DMD: variants seen among roughly 807,000 people sequenced by gnomAD.
The protein encoded by DMD is dystrophin.
In DMD, 63 loss-of-function variants were observed where a neutral mutation model predicts 330.1. The observed-to-expected ratio is 0.19, with a 90% CI of 0.16 to 0.24. DMD has a LOEUF of 0.24. DMD is among the 10% of genes least tolerant of loss of function. The probability of loss-of-function intolerance (pLI) is 1.00; values close to 1 mark genes in which losing one functional copy is unlikely to be tolerated. For missense variants in DMD, 3,344 were observed against 2,684.1 expected (o/e 1.25, Z -5.43); for synonymous variants, 1,223 against 959.8 (o/e 1.27, Z -5.07).
chrX:32,832,886 T>C (rs1189963220), intron 4 of DMD, among the ~76,000 whole-genome samples: 2 of 111,537 alleles, frequency 1.8e-5, no homozygotes, highest in Admixed American at 1.9e-4. Context: ...AGCTTTTTAT[T>C]CCCTTCCTTA....
intron 1 of DMD, among the ~76,000 whole-genome samples, chrX:33,115,669 G>A (rs2095377320): frequency 9.3e-6 from 1 of 107,657 alleles, no homozygotes; most frequent in East Asian, 3.0e-4. Context: ...CCGCAACCAC[G>A]CCCGGCTAAT....
chrX:33,086,311 A>T (rs192895111), intron 1 of DMD, among the ~76,000 whole-genome samples: 2 of 112,231 alleles, frequency 1.8e-5, no homozygotes, highest in African/African-American at 6.4e-5. Flanking sequence ...TCTCTTTCCC[A>T]TGAAAATCAG....
chrX:31,137,166 G>C (rs757524008), intron 76 of DMD, among the ~76,000 whole-genome samples: 4 of 110,843 alleles, frequency 3.6e-5, no homozygotes, highest in Non-Finnish European at 7.6e-5. Flanking sequence ...CTACAGGCGC[G>C]TGCCACCACG....
chrX:32,691,294 A>G (rs569793881), intron 9 of DMD, among the ~76,000 whole-genome samples: 6 of 107,622 alleles, frequency 5.6e-5, no homozygotes, highest in African/African-American at 2.1e-4. Context: ...TCTAAAATAT[A>G]TAAAGAATTC....
intron 63 of DMD, among the ~76,000 whole-genome samples, chrX:31,239,240 G>T (rs1045865095): frequency 8.9e-6 from 1 of 111,964 alleles, no homozygotes; most frequent in Non-Finnish European, 1.9e-5. Flanking sequence ...GTTCTTGCCT[G>T]ACTGCTGAGA....
chrX:31,194,634 G>T (rs1345797514), intron 67 of DMD, among the ~76,000 whole-genome samples: 1 of 112,138 alleles, frequency 8.9e-6, no homozygotes, highest in Non-Finnish European at 1.9e-5. Flanking sequence ...GTGTTCTTTA[G>T]ACTATCCTTT....
In DMD at chrX:32,246,606, G is replaced by A. The variant is rs772395358; in HGVS notation, c.6291-29543C>T. Reference sequence around the variant, plus strand: ...TCCATCTGGTCCTGGACTCTTTTTGGTTGGTAAGCTATTGATTATTGCCAC... The same window carrying A: ...TCCATCTGGTCCTGGACTCTTTTTGATTGGTAAGCTATTGATTATTGCCAC... On this transcript the variant is annotated intron_variant, in intron 43 of 78. Coordinates refer to ENST00000357033, the MANE Select transcript of DMD (RefSeq NM_004006.3). Among the ~76,000 whole-genome samples the A allele has an allele frequency of 1.1e-4, 10 of 90,509 alleles. No homozygotes were observed. In the South Asian group the frequency reaches 2.5e-3, roughly 23 times the overall value. The allele number at this position is 90,509 out of a possible 115,157, so 78.6% of individuals were successfully genotyped here.
chrX:33,301,550 T>C (rs1227400383), intron 1 of DMD, among the ~76,000 whole-genome samples: 1 of 111,858 alleles, frequency 8.9e-6, no homozygotes, highest in Non-Finnish European at 1.9e-5. Flanking sequence ...ACTGGCGCCA[T>C]TATAACAAAA....
intron 2 of DMD, among the ~76,000 whole-genome samples, chrX:32,951,387 A>T (rs2091240119): frequency 8.9e-6 from 1 of 112,046 alleles, no homozygotes; most frequent in Non-Finnish European, 1.9e-5. Flanking sequence ...TCAATATTTG[A>T]AGAAAACAAG....
At chrX:33,146,253 T>C (rs2048025800) in intron 1 of DMD, among the ~76,000 whole-genome samples, 1 of 110,528 alleles carries the variant, frequency 9.0e-6, no homozygotes, top group South Asian at 3.9e-4. Context: ...AACCCCATAC[T>C]CATTAGGAAT....
intron 1 of DMD, among the ~76,000 whole-genome samples, chrX:33,307,535 T>C (rs2053781756): frequency 1.8e-5 from 2 of 110,603 alleles, no homozygotes; most frequent in Non-Finnish European, 1.9e-5. Context: ...CTACTAAAAA[T>C]ACAAAAAATT....
Position 33,173,575 on chromosome X carries a change from A to T in DMD, c.31+37707T>A, listed in dbSNP as rs191954111. On this transcript the variant is annotated intron_variant, in intron 1 of 78. Transcript: ENST00000357033. Reference sequence around the variant, plus strand: ...TACTTTTGCTTCTTCTAGAGATTAAAGTGCATAATCTAATCTCATAAACAG... The same window carrying T: ...TACTTTTGCTTCTTCTAGAGATTAATGTGCATAATCTAATCTCATAAACAG... 2.2e-3 allele frequency among the ~76,000 whole-genome samples: 248 copies of T among 111,475 alleles called. 1 individual carries two copies. The highest frequency in any genetic ancestry group is 1.3e-3 in the Non-Finnish European group (71 of 52,967).
At chrX:32,859,672 G>A (rs1821097876) in intron 2 of DMD, among the ~76,000 whole-genome samples, 1 of 111,551 alleles carries the variant, frequency 9.0e-6, no homozygotes, top group African/African-American at 3.3e-5. Context: ...AGATGGTACA[G>A]AGGATGCACT....
chrX:33,324,226 C>T lies in DMD; in HGVS notation c.7+15033G>A, dbSNP rs377238174. 5.4e-5 allele frequency among the ~76,000 whole-genome samples: 6 copies of T among 110,541 alleles called. No individual in the cohort carries two copies. The East Asian group carries it at 1.2e-3, about 21-fold the overall frequency. On this transcript the variant is annotated intron_variant, in intron 1 of 17. Transcript: ENST00000288447. ...AAGCACAGCAAAGAAGTGAGTGAGACGGAGAAAAGAACACCAGTACAGTGT... is the reference window on the plus strand; with the variant it reads ...AAGCACAGCAAAGAAGTGAGTGAGATGGAGAAAAGAACACCAGTACAGTGT...
At chrX:32,527,449 C>G (rs2148858919) in intron 17 of DMD, among the ~76,000 whole-genome samples, 1 of 110,658 alleles carries the variant, frequency 9.0e-6, no homozygotes, top group Admixed American at 9.7e-5. Flanking sequence ...AGATGACCTA[C>G]TATTCATCTT....
At chrX:32,092,724 C>CTTTTTTTTTTTTTTTTT (rs11315047) in intron 44 of DMD, among the ~76,000 whole-genome samples, 2 of 39,796 alleles carry the variant, frequency 5.0e-5, no homozygotes, top group African/African-American at 2.2e-4. Flanking sequence ...GTTATTTTCA[C>CTTTTTTTTTTTTTTTTT]TTTTTTTTTT....
chrX:33,222,842 A>T (rs964860992), intron 1 of DMD, among the ~76,000 whole-genome samples: 2 of 112,213 alleles, frequency 1.8e-5, no homozygotes, highest in Non-Finnish European at 3.8e-5. Context: ...AAATCATAGA[A>T]GATAATCCAT....
intron 42 of DMD, among the ~76,000 whole-genome samples, chrX:32,299,953 A>G (rs1048732547): frequency 2.7e-5 from 3 of 111,396 alleles, no homozygotes; most frequent in African/African-American, 9.8e-5. Flanking sequence ...AGTTACACTC[A>G]TGTCTTATAT....
intron 57 of DMD, among the ~76,000 whole-genome samples, chrX:31,484,111 A>G (rs1386132242): frequency 8.9e-6 from 1 of 112,128 alleles, no homozygotes; most frequent in Non-Finnish European, 1.9e-5. Context: ...TTTAAAAGAA[A>G]GAAAAATGAA....
Sources: allele counts gnomAD v4.1 joint callset (sites outside exome capture counted in the v4.1 genomes callset), GRCh38; gene constraint gnomAD v4.1.1; transcripts MANE v1.5; gene names NCBI Gene and HGNC (gene_info 2026-07-23, HGNC 2026-07-21).